PCNT: variants seen among roughly 807,000 people sequenced by gnomAD.
The protein encoded by PCNT is kendrin.
In PCNT, 319 loss-of-function variants were observed where a neutral mutation model predicts 380.4. That is an observed-to-expected ratio of 0.84 (90% CI 0.77 to 0.92). The LOEUF (loss-of-function observed/expected upper bound fraction) is 0.92. PCNT is among the 40% of genes least tolerant of loss of function. The pLI is 0.00. For synonymous variants in PCNT, 1,845 were observed against 1,735.2 expected, an observed-to-expected ratio of 1.06 and a Z score of -1.57; for missense variants, 4,400 against 4,255.3, an observed-to-expected ratio of 1.03 and a Z score of -0.95.
Position 46,445,359 on chromosome 21 carries a change from T to A in PCNT, c.*32T>A. ...TGTCATGGCTCTTTCCTGCGACAAT[T>A]CTATTTGAGGAAAAGATTTGTTTTT... On this transcript the variant is annotated 3_prime_UTR_variant, in exon 47 of 47. Transcript: ENST00000359568. The A allele has an allele frequency of 6.5e-7, 1 of 1,535,534 alleles. No individual in the cohort carries two copies. Among genetic ancestry groups the A allele is most frequent in the Non-Finnish European group, 9.0e-7 (1 of 1,108,250 alleles).
chr21:46,397,722 T>C (rs2086254891), intron 22 of PCNT, among the ~76,000 whole-genome samples: 1 of 152,148 alleles, frequency 6.6e-6, no homozygotes, highest in African/African-American at 2.4e-5. Context: ...CCATGCTCCT[T>C]CTCACAGTCA....
intron 15 of PCNT, among the ~76,000 whole-genome samples, chr21:46,368,438 ACT>A (rs1470035273): frequency 4.6e-5 from 7 of 150,890 alleles, no homozygotes; most frequent in Non-Finnish European, 7.4e-5. Flanking sequence ...ACAGAGCAAG[ACT>A]CTGTCTCAAA....
At chr21:46,376,111 A>C (rs2085326195) in intron 15 of PCNT, among the ~76,000 whole-genome samples, 1 of 150,380 alleles carries the variant, frequency 6.6e-6, no homozygotes, top group African/African-American at 2.4e-5. Flanking sequence ...GCAGTGTGTG[A>C]CTCTGGGATC....
At position 46,349,765 on chromosome 21, in the gene PCNT, GTT is replaced by G; in HGVS notation, c.1291_1292del (p.Leu431ArgfsTer26). 6.2e-7 allele frequency: 1 copy of G among 1,614,132 alleles called. No individual in the cohort carries two copies. Among genetic ancestry groups the G allele is most frequent in the Non-Finnish European group, 8.5e-7 (1 of 1,179,960 alleles). ...GACCTGCAGTCCGAGCACGGCCGGT[GTT>G]TAGAAGACTTGGAGTTCAAGTTCAA... On this transcript the variant is annotated frameshift_variant, in exon 8 of 47. Coordinates refer to ENST00000359568, the MANE Select transcript of PCNT (RefSeq NM_006031.6). LOFTEE classifies it high-confidence loss of function.
chr21:46,407,010 G>T (rs1349139827), intron 27 of PCNT, among the ~76,000 whole-genome samples: 2 of 152,138 alleles, frequency 1.3e-5, no homozygotes, highest in Admixed American at 6.5e-5. Flanking sequence ...GAGGGATGTT[G>T]GTGCATAATT....
At chr21:46,399,840 C>T (rs2086361281) in intron 25 of PCNT, 44 bp downstream of exon 25, 2 of 1,529,388 alleles carry the variant, frequency 1.3e-6, no homozygotes, top group South Asian at 1.1e-5. Context: ...GTGAGGTGTC[C>T]CGCAGGCATG....
intron 13 of PCNT, among the ~76,000 whole-genome samples, chr21:46,363,260 G>A (rs899264493): frequency 4.1e-4 from 63 of 152,216 alleles, no homozygotes; most frequent in African/African-American, 1.4e-3. Flanking sequence ...GTCGGTTCTC[G>A]GTGCCAGGAC....
In PCNT at chr21:46,442,591, G is replaced by C. The variant is rs758874033; in HGVS notation, c.9700+18G>C. 7.2e-5 allele frequency: 107 copies of C among 1,489,538 alleles called. No homozygotes were observed. The highest frequency in any genetic ancestry group is 3.7e-4 in the South Asian group (33 of 88,676). The allele number at this position is 1,489,538 out of a possible 1,614,324, so 92.3% of individuals were successfully genotyped here. A position where few individuals can be genotyped will look rare whatever the true frequency, so the allele number is the denominator to read the frequency against. ...TCGCCCAGGTGGGACTCCAGCTGCT[G>C]TTGACCGCTGGACTCACAAACCTTT... On this transcript the variant is annotated intron_variant, in intron 44 of 46. Coordinates refer to ENST00000359568, the MANE Select transcript of PCNT (RefSeq NM_006031.6).
chr21:46,387,458 C>A (rs1332550188), intron 17 of PCNT, among the ~76,000 whole-genome samples: 1 of 151,932 alleles, frequency 6.6e-6, no homozygotes, highest in African/African-American at 2.4e-5. Flanking sequence ...GGGGTAGTCC[C>A]AGGCTCTAAA....
Position 46,412,887 on chromosome 21 carries a change from G to T in PCNT, c.6045G>T (p.Lys2015Asn). The T allele has an allele frequency of 6.2e-7, 1 of 1,612,886 alleles. No homozygotes were observed. ...LVTLKDAPLCKQEGVMSVLTV... is the reference protein window; with the variant it reads ...LVTLKDAPLCNQEGVMSVLTV... Reference sequence around the variant, plus strand: ...CGTTGAAGGATGCACCTCTCTGCAAGCAAGAAGGCGTGATGTCAGTGCTCA... The same window carrying T: ...CGTTGAAGGATGCACCTCTCTGCAATCAAGAAGGCGTGATGTCAGTGCTCA... Residue 2015 changes from lysine (K) to asparagine (N), a missense_variant, in exon 29 of 47, where the codon AAG becomes AAT. Coordinates refer to ENST00000359568, the MANE Select transcript of PCNT (RefSeq NM_006031.6).
At position 46,390,783 on chromosome 21, in the gene PCNT, G is replaced by A; in HGVS notation, c.3954G>A (p.Glu1318=). 6.2e-7 allele frequency: 1 copy of A among 1,612,702 alleles called. No individual in the cohort carries two copies. The highest frequency in any genetic ancestry group is 8.5e-7 in the Non-Finnish European group (1 of 1,179,740). Residue 1318 remains glutamate (E), a synonymous_variant, in exon 20 of 47, where the codon GAG becomes GAA. Transcript: ENST00000359568. The part of the protein sequence containing the change: ...KHQELLECLK[E]ESAAKAELAL... The stretch of plus-strand genomic sequence containing the variant: ...AGGAGCTGCTGGAGTGTTTGAAGGA[G>A]GAGAGCGCAGCAAAGGCAGAGCTGG...
At chr21:46,435,062 CAG>C (rs1279695643) in intron 38 of PCNT, among the ~76,000 whole-genome samples, 13 of 152,162 alleles carry the variant, frequency 8.5e-5, no homozygotes, top group Non-Finnish European at 1.0e-4. Context: ...TGGAGGGACA[CAG>C]AGCAGCACAG....
chr21:46,359,018 C>G (rs2146764221), intron 13 of PCNT, among the ~76,000 whole-genome samples: 1 of 152,098 alleles, frequency 6.6e-6, no homozygotes, highest in Non-Finnish European at 1.5e-5. Context: ...CCGTGTTAGC[C>G]AGGATGGTCT....
intron 13 of PCNT, among the ~76,000 whole-genome samples, chr21:46,358,800 A>AT (rs942395528): frequency 5.9e-5 from 6 of 101,460 alleles, no homozygotes; most frequent in Non-Finnish European, 8.4e-5. Flanking sequence ...AATTTTTTTT[A>AT]TTTTTTTTTA....
chr21:46,332,688 A>G (rs1367074729), intron 2 of PCNT, among the ~76,000 whole-genome samples: 1 of 152,200 alleles, frequency 6.6e-6, no homozygotes, highest in Non-Finnish European at 1.5e-5. Flanking sequence ...TGCCATCATC[A>G]TTGGCCATGG....
Position 46,440,149 on chromosome 21 carries a change from C to A in PCNT, c.9340C>A (p.Pro3114Thr). The change falls in exon 42 of 47, where the codon CCC becomes ACC. Residue 3114 changes from proline to threonine, a missense_variant. By Grantham distance (38) the Pro-to-Thr change is conservative. Transcript: ENST00000359568. ...ACAGAGTTCCCTGAGGCGCCCAGACCCCGGCCGGCTTCCACCAGCTGCCAG... is the reference window on the plus strand; with the variant it reads ...ACAGAGTTCCCTGAGGCGCCCAGACACCGGCCGGCTTCCACCAGCTGCCAG... Reference protein sequence around the residue: ...APQSSLRRPDPGRLPPAASEE... With the variant: ...APQSSLRRPDTGRLPPAASEE... 1 of 1,614,084 alleles carries A rather than the reference C, an allele frequency of 6.2e-7. No individual in the cohort carries two copies. Among genetic ancestry groups the A allele is most frequent in the Non-Finnish European group, 8.5e-7 (1 of 1,180,004 alleles).
At position 46,436,025 on chromosome 21, in the gene PCNT, G is replaced by T. The variant is rs574728262; in HGVS notation, c.8873G>T (p.Arg2958Leu). ...AGCCGCCTCCACCTAGGTTCTGCCC[G>T]CAGGGCTGCCGGCTCGGATGCGGAC... ...PGSRLHLGSA[R>L]RAAGSDADHL... Residue 2958 changes from arginine (R) to leucine (L), a missense_variant, in exon 39 of 47, where the codon CGC (arginine) becomes CTC (leucine). By Grantham distance (102) the Arg-to-Leu change is moderately radical. Transcript: ENST00000359568. 2 of 1,614,048 alleles carry T rather than the reference G, an allele frequency of 1.2e-6. No individual in the cohort carries two copies. The highest frequency in any genetic ancestry group is 1.3e-5 in the African/African-American group (1 of 75,078).
intron 15 of PCNT, among the ~76,000 whole-genome samples, chr21:46,374,164 G>A (rs1377722262): frequency 6.6e-6 from 1 of 152,118 alleles, no homozygotes; most frequent in Non-Finnish European, 1.5e-5. Flanking sequence ...TGCAGGAATA[G>A]AATAACTCAG....
chr21:46,411,917 C>T lies in PCNT; in HGVS notation c.5844C>T (p.Asp1948=). Residue 1948 remains aspartate (D), a synonymous_variant, in exon 28 of 47, where the codon GAC becomes GAT. Transcript: ENST00000359568. ...QRFLRCQVEL[D]RRQARRATAH... ...TCCTGAGGTGCCAGGTGGAGCTGGA[C>T]AGGCGGCAGGCCCGCAGAGCCACAG... is the stretch of plus-strand genomic sequence containing the variant. The T allele has an allele frequency of 6.3e-7, 1 of 1,588,786 alleles. No individual in the cohort carries two copies.
Sources: allele counts gnomAD v4.1 joint callset (sites outside exome capture counted in the v4.1 genomes callset), GRCh38; gene constraint gnomAD v4.1.1; transcripts MANE v1.5; gene names NCBI Gene and HGNC (gene_info 2026-07-23, HGNC 2026-07-21).